ARB2A: variants seen among roughly 807,000 people sequenced by gnomAD.
ARB2A encodes ARB2 cotranscriptional regulator A, also known as cotranscriptional regulator ARB2A.
the ARB2A span, among the ~76,000 whole-genome samples, chr5:93,906,481 C>T: frequency 6.6e-6 from 1 of 151,288 alleles, no homozygotes; most frequent in Non-Finnish European, 1.5e-5. Context: ...CTACTGCCTT[C>T]TCTGCCTCAA....
At chr5:93,980,487 C>A in the ARB2A span, among the ~76,000 whole-genome samples, 3 of 152,092 alleles carry the variant, frequency 2.0e-5, no homozygotes. Flanking sequence ...AATCTTTTAC[C>A]AATTCAAGAC....
chr5:94,028,822 A>C, the ARB2A span, among the ~76,000 whole-genome samples: 2 of 152,150 alleles, frequency 1.3e-5, no homozygotes, highest in South Asian at 2.1e-4. Flanking sequence ...CTCCCTAAAT[A>C]GTTTACATGT....
At chr5:93,763,626 T>C in the ARB2A span, among the ~76,000 whole-genome samples, 2 of 152,082 alleles carry the variant, frequency 1.3e-5, no homozygotes, top group South Asian at 2.1e-4. Flanking sequence ...CTGTCAACAT[T>C]AGACAGATCA....
At chr5:94,005,014 AAAAAAAAAAAAAG>A in the ARB2A span, among the ~76,000 whole-genome samples, 1 of 121,234 alleles carries the variant, frequency 8.2e-6, no homozygotes, top group South Asian at 2.7e-4. Context: ...AAAAAAAAAA[AAAAAAAAAAAAAG>A]AGAGAGGACA....
the ARB2A span, among the ~76,000 whole-genome samples, chr5:94,063,041 C>T: frequency 6.6e-6 from 1 of 152,324 alleles, no homozygotes; most frequent in Non-Finnish European, 1.5e-5. Flanking sequence ...GCAACTTCAC[C>T]CTCCCTAGCA....
At chr5:93,926,852 T>C in the ARB2A span, among the ~76,000 whole-genome samples, 1 of 151,730 alleles carries the variant, frequency 6.6e-6, no homozygotes, top group Non-Finnish European at 1.5e-5. Flanking sequence ...GAAACTATAC[T>C]GCAGAATAAA....
chr5:94,012,415 A>C, the ARB2A span, among the ~76,000 whole-genome samples: 1 of 152,240 alleles, frequency 6.6e-6, no homozygotes, highest in Non-Finnish European at 1.5e-5. Flanking sequence ...ACAAACAAAC[A>C]AAACATTAAG....
the ARB2A span, among the ~76,000 whole-genome samples, chr5:93,642,848 C>T: frequency 6.6e-6 from 1 of 152,130 alleles, no homozygotes; most frequent in Non-Finnish European, 1.5e-5. Flanking sequence ...GAGGGATACA[C>T]AATTGATTAT....
the ARB2A span, among the ~76,000 whole-genome samples, chr5:94,044,431 C>T: frequency 1.1e-4 from 17 of 152,274 alleles, no homozygotes; most frequent in African/African-American, 3.8e-4. Context: ...CTGAGCTCCT[C>T]TCTACCGCAC....
chr5:93,855,884 T>C, the ARB2A span, among the ~76,000 whole-genome samples: 5 of 151,608 alleles, frequency 3.3e-5, no homozygotes, highest in Non-Finnish European at 5.9e-5. Context: ...GCAGAAAAAC[T>C]GGAAACTCTA....
At chr5:93,809,791 T>G in the ARB2A span, among the ~76,000 whole-genome samples, 1 of 152,026 alleles carries the variant, frequency 6.6e-6, no homozygotes, top group African/African-American at 2.4e-5. Context: ...GTATTCACAG[T>G]GAAATGTAAA....
the ARB2A span, among the ~76,000 whole-genome samples, chr5:93,625,788 C>G: frequency 6.6e-6 from 1 of 152,068 alleles, no homozygotes; most frequent in Non-Finnish European, 1.5e-5. Context: ...ATAGAACTGA[C>G]AAAGAGGGAG....
chr5:93,929,929 G>A, the ARB2A span, among the ~76,000 whole-genome samples: 2 of 152,174 alleles, frequency 1.3e-5, no homozygotes, highest in Non-Finnish European at 2.9e-5. Flanking sequence ...GACAGCTGCA[G>A]TCTCAACCTG....
chr5:93,752,039 G>A, the ARB2A span, among the ~76,000 whole-genome samples: 19 of 152,156 alleles, frequency 1.2e-4, no homozygotes, highest in Admixed American at 3.3e-4. Context: ...TCTTCAGGTC[G>A]GGGAAACTGG....
the ARB2A span, among the ~76,000 whole-genome samples, chr5:93,688,431 C>T: frequency 6.6e-6 from 1 of 152,234 alleles, no homozygotes; most frequent in African/African-American, 2.4e-5. Context: ...TCTGCATCTT[C>T]ACATTCGGAC....
chr5:94,109,934 G>C, the ARB2A span, among the ~76,000 whole-genome samples: 1 of 144,632 alleles, frequency 6.9e-6, no homozygotes, highest in Admixed American at 7.0e-5. Flanking sequence ...ACCCAGGCTG[G>C]AGTGCAGTGG....
the ARB2A span, among the ~76,000 whole-genome samples, chr5:93,893,072 T>C: frequency 6.6e-6 from 1 of 152,186 alleles, no homozygotes; most frequent in Admixed American, 6.6e-5. Flanking sequence ...TGAAAATACA[T>C]GGTTCTTTTT....
At chr5:93,825,932 A>AAT in the ARB2A span, among the ~76,000 whole-genome samples, 2 of 151,746 alleles carry the variant, frequency 1.3e-5, no homozygotes, top group Admixed American at 1.3e-4. Context: ...AAATTATCAA[A>AAT]ATATATATAT....
chr5:93,702,483 T>C, the ARB2A span, among the ~76,000 whole-genome samples: 1 of 152,182 alleles, frequency 6.6e-6, no homozygotes, highest in Non-Finnish European at 1.5e-5. Context: ...TATTTTCTCT[T>C]CTGAAATGTA....
Sources: allele counts gnomAD v4.1 joint callset (sites outside exome capture counted in the v4.1 genomes callset), GRCh38; gene constraint gnomAD v4.1.1; transcripts MANE v1.5; gene names NCBI Gene and HGNC (gene_info 2026-07-23, HGNC 2026-07-21).